SMOC2: variants seen among roughly 807,000 people sequenced by gnomAD.
SMOC2 encodes the protein SPARC-related modular calcium-binding protein 2.
Under a neutral mutation model 61.4 loss-of-function variants are expected in SMOC2, and 39 were observed. The ratio of observed to expected loss-of-function variants is 0.64; its 90% CI spans 0.49 to 0.83. The LOEUF is 0.83. Ranked by LOEUF, SMOC2 falls within the 40% of genes least tolerant of loss-of-function variation. SMOC2 has a pLI of 0.00. For missense variants in SMOC2, 556 were observed against 592.9 expected, an observed-to-expected ratio of 0.94 and a Z score of 0.65; for synonymous variants, 247 against 239.9, an observed-to-expected ratio of 1.03 and a Z score of -0.27.
At chr6:168,516,422 G>C (rs899045782) in intron 2 of SMOC2, among the ~76,000 whole-genome samples, 2 of 150,470 alleles carry the variant, frequency 1.3e-5, no homozygotes, top group Non-Finnish European at 2.9e-5. Flanking sequence ...GAACTATTTT[G>C]AGATTTCTGG....
chr6:168,649,146 G>A (rs977562801), intron 9 of SMOC2, among the ~76,000 whole-genome samples: 8 of 152,200 alleles, frequency 5.3e-5, no homozygotes, highest in African/African-American at 1.7e-4. Flanking sequence ...GGAAGGGGCC[G>A]TCCTCAGTCC....
intron 1 of SMOC2, among the ~76,000 whole-genome samples, chr6:168,458,083 G>GT (rs999582590): frequency 6.6e-6 from 1 of 152,156 alleles, no homozygotes; most frequent in African/African-American, 2.4e-5. Context: ...TAGGAAGGCT[G>GT]GGGGGATGTC....
intron 7 of SMOC2, among the ~76,000 whole-genome samples, chr6:168,576,450 C>G (rs984171397): frequency 1.3e-5 from 2 of 152,112 alleles, no homozygotes; most frequent in Admixed American, 6.5e-5. Context: ...TCACACGCTT[C>G]CAGAGTGCAA....
At chr6:168,462,637 A>G (rs1781741558) in intron 1 of SMOC2, among the ~76,000 whole-genome samples, 1 of 152,124 alleles carries the variant, frequency 6.6e-6, no homozygotes, top group Admixed American at 6.5e-5. Flanking sequence ...ACGAAGTCAC[A>G]TGACTGGAAT....
chr6:168,602,553 A>C (rs1343127034), intron 8 of SMOC2, among the ~76,000 whole-genome samples: 1 of 152,160 alleles, frequency 6.6e-6, no homozygotes, highest in Non-Finnish European at 1.5e-5. Flanking sequence ...ACTGGGGAGA[A>C]AAGGGGAAGG....
Position 168,544,081 on chromosome 6 carries a change from C to T in SMOC2, c.511+409C>T, listed in dbSNP as rs1055241955. ...GGAGGAAGAGGAACAGTTTTTCTAC[C>T]TACAGCAATCCCTGCCTCTGAGACT... On this transcript the variant is annotated intron_variant, in intron 5 of 12. Coordinates refer to ENST00000356284, the MANE Select transcript of SMOC2 (RefSeq NM_001166412.2). This position sits in a 1 kb window ranked among gnomAD's most constrained non-coding sequence, Gnocchi z 4.1. Among the ~76,000 whole-genome samples, 4 of 152,144 alleles carry T rather than the reference C, an allele frequency of 2.6e-5. No homozygotes were observed. Among genetic ancestry groups the T allele is most frequent in the Non-Finnish European group, 4.4e-5 (3 of 68,006 alleles).
intron 9 of SMOC2, among the ~76,000 whole-genome samples, chr6:168,643,785 G>A (rs1207721965): frequency 6.6e-6 from 1 of 152,216 alleles, no homozygotes; most frequent in East Asian, 1.9e-4. Context: ...TGTGACTTGG[G>A]CCTCAGTTTC....
At chr6:168,590,567 T>C (rs894035493) in intron 7 of SMOC2, among the ~76,000 whole-genome samples, 4 of 150,614 alleles carry the variant, frequency 2.7e-5, no homozygotes, top group Admixed American at 1.3e-4. Flanking sequence ...CAAATGTTGA[T>C]GCAAAGCCCC....
intron 4 of SMOC2, among the ~76,000 whole-genome samples, chr6:168,539,858 A>T (rs1783837583): frequency 6.6e-6 from 1 of 152,102 alleles, no homozygotes; most frequent in African/African-American, 2.4e-5. Flanking sequence ...AGCTCTCCTG[A>T]GGACTAAAAA....
At chr6:168,462,525 C>G (rs1303311119) in intron 1 of SMOC2, among the ~76,000 whole-genome samples, 1 of 152,014 alleles carries the variant, frequency 6.6e-6, no homozygotes, top group Non-Finnish European at 1.5e-5. Flanking sequence ...GTCCTCCCAG[C>G]AGGTCCCACA....
chr6:168,448,630 G>A (rs2114991372), intron 1 of SMOC2, among the ~76,000 whole-genome samples: 1 of 151,484 alleles, frequency 6.6e-6, no homozygotes, highest in South Asian at 2.1e-4. Flanking sequence ...TGATGGGGAG[G>A]ATGGTGATGG....
intron 11 of SMOC2, among the ~76,000 whole-genome samples, chr6:168,659,718 G>GA (rs1562410957): frequency 1.9e-5 from 1 of 51,548 alleles, no homozygotes; most frequent in Non-Finnish European, 4.0e-5. Flanking sequence ...TGTAGGCTGA[G>GA]TGAGGGTGGA....
At chr6:168,527,760 T>C in intron 4 of SMOC2, 33 bp downstream of exon 4, 3 of 1,368,222 alleles carry the variant, frequency 2.2e-6, no homozygotes, top group Non-Finnish European at 3.1e-6. Context: ...AGTGGAAGGC[T>C]TGAAGGGAAT....
intron 1 of SMOC2, among the ~76,000 whole-genome samples, chr6:168,496,566 C>T (rs1037735701): frequency 3.3e-5 from 5 of 152,230 alleles, no homozygotes; most frequent in Admixed American, 2.0e-4. Flanking sequence ...AATCGCCTGT[C>T]GCCCCAGCCC....
chr6:168,484,314 A>G, intron 1 of SMOC2, among the ~76,000 whole-genome samples: 1 of 152,212 alleles, frequency 6.6e-6, no homozygotes, highest in Non-Finnish European at 1.5e-5. Flanking sequence ...AGATACACAA[A>G]TAGCCACTAA....
chr6:168,565,151 C>T (rs573893363), intron 7 of SMOC2, among the ~76,000 whole-genome samples: 7 of 152,298 alleles, frequency 4.6e-5, no homozygotes, highest in South Asian at 2.1e-4. Flanking sequence ...AAATGCAGTT[C>T]CCTTAGTGAA....
chr6:168,505,512 G>T (rs948665993), intron 1 of SMOC2, among the ~76,000 whole-genome samples: 1 of 152,068 alleles, frequency 6.6e-6, no homozygotes, highest in African/African-American at 2.4e-5. Context: ...TCAGATGCCG[G>T]ATGAATGACT....
At chr6:168,508,168 T>C (rs1271390105) in intron 1 of SMOC2, among the ~76,000 whole-genome samples, 1 of 152,248 alleles carries the variant, frequency 6.6e-6, no homozygotes, top group African/African-American at 2.4e-5. Flanking sequence ...GGCTAATCTC[T>C]GTTTTTAATT....
intron 1 of SMOC2, among the ~76,000 whole-genome samples, chr6:168,491,854 G>T (rs750334410): frequency 2.0e-5 from 3 of 152,152 alleles, no homozygotes; most frequent in Non-Finnish European, 2.9e-5. Flanking sequence ...AGAGTGAACT[G>T]TGCTGTTCAT....
Sources: allele counts gnomAD v4.1 joint callset (sites outside exome capture counted in the v4.1 genomes callset), GRCh38; gene constraint gnomAD v4.1.1; non-coding constraint Gnocchi (gnomAD v3.1); transcripts MANE v1.5; gene names NCBI Gene and HGNC (gene_info 2026-07-23, HGNC 2026-07-21).